The following BRAT1 variants were observed in gnomAD, a reference collection of about 807,000 sequenced individuals.
BRAT1 encodes the protein integrator complex assembly factor BRAT1.
BRAT1 carries 74 observed loss-of-function variants against 70.6 expected under a neutral mutation model. The ratio of observed to expected loss-of-function variants is 1.05; its 90% CI spans 0.87 to 1.27. The LOEUF (loss-of-function observed/expected upper bound fraction) is 1.27. Among genes scored for constraint, BRAT1 ranks in the 50% most tolerant of loss-of-function variants. The probability of loss-of-function intolerance (pLI) is 0.00; values close to 1 mark genes in which losing one functional copy is unlikely to be tolerated. For synonymous variants in BRAT1, 615 were observed against 517.1 expected, an observed-to-expected ratio of 1.19 and a Z score of -2.57; for missense variants, 1,203 against 1,098.2, an observed-to-expected ratio of 1.10 and a Z score of -1.35.
intron 1 of BRAT1, 141 bp downstream of exon 1, chr7:2,555,346 C>A (rs1780346715): frequency 6.6e-6 from 1 of 152,254 alleles, no homozygotes; most frequent in African/African-American, 2.4e-5. Flanking sequence ...CAGGCGGCCA[C>A]AGTCGGGCTG....
In BRAT1 at chr7:2,538,549, C is replaced by G. The variant is rs1778871799; in HGVS notation, c.1986G>C (p.Leu662=). The change falls in exon 14 of 14, where the codon CTG becomes CTC. Residue 662 remains leucine, a synonymous_variant. Coordinates refer to ENST00000340611, the MANE Select transcript of BRAT1 (RefSeq NM_152743.4). ...TACGCGGCGGCCCCAAAGTCTGGCC[C>G]AGGAACACGAGGGCCAGCTCCAGGC... ...AQGLELALVF[L]GQTLGPPRTH... 2 of 1,601,862 alleles carry G rather than the reference C, an allele frequency of 1.2e-6. No homozygotes were observed. Among genetic ancestry groups the G allele is most frequent in the Non-Finnish European group, 1.7e-6 (2 of 1,177,944 alleles).
intron 4 of BRAT1, 45 bp from the exon 5 acceptor site, chr7:2,544,007 A>G (rs751789437): frequency 2.0e-6 from 3 of 1,469,474 alleles, no homozygotes; most frequent in Non-Finnish European, 2.7e-6. Flanking sequence ...GGTGAGCCAG[A>G]ATAGAGCTGG....
At chr7:2,544,089 C>T (rs1779404027) in intron 4 of BRAT1, 127 bp from the exon 5 acceptor site, 1 of 756,666 alleles carries the variant, frequency 1.3e-6, no homozygotes, top group Admixed American at 3.7e-5. Flanking sequence ...TGCCTCTCCA[C>T]TCAAAAGCAA....
At chr7:2,538,918 C>A in intron 13 of BRAT1, 154 bp from the exon 14 acceptor site, 1 of 1,462,244 alleles carries the variant, frequency 6.8e-7, no homozygotes. Flanking sequence ...AGTGAGCACA[C>A]GGCCCTCCAA....
intron 2 of BRAT1, 23 bp downstream of exon 2, chr7:2,554,282 A>T (rs1364494682): frequency 6.2e-7 from 1 of 1,611,534 alleles, no homozygotes; most frequent in South Asian, 1.1e-5. Flanking sequence ...GATAGGCAGT[A>T]AACAGCAGCA....
rs749736042 is a variant in BRAT1 at position 2,545,044 on chromosome 7, G to A, written c.295C>T (p.Leu99=). Residue 99 remains leucine (L), a synonymous_variant, in exon 4 of 14, where the codon CTA becomes TTA. Coordinates refer to ENST00000340611, the MANE Select transcript of BRAT1 (RefSeq NM_152743.4). ...CFQYLQQGEL[L]PGLFGEPGPL... The stretch of plus-strand genomic sequence containing the variant: ...CCTGGCTCCCCAAAGAGCCCTGGTA[G>A]TAACTCCCCCTGCTGGGAAGCAAAA... 9 of 1,506,228 alleles carry A rather than the reference G, an allele frequency of 6.0e-6. No homozygotes were observed. The African/African-American group carries it at 9.8e-5, about 16-fold the overall frequency. 93.3% of individuals were successfully genotyped at this position (1,506,228 alleles called of 1,614,324 possible).
At chr7:2,552,825 G>C (rs1318268341) in intron 2 of BRAT1, among the ~76,000 whole-genome samples, 8 of 150,904 alleles carry the variant, frequency 5.3e-5, no homozygotes, top group African/African-American at 1.7e-4. Context: ...TGCAAGCTCT[G>C]CCTCCTGTGT....
intron 2 of BRAT1, 73 bp from the exon 3 acceptor site, chr7:2,547,551 C>A (rs1370056615): frequency 6.6e-7 from 1 of 1,513,986 alleles, no homozygotes; most frequent in East Asian, 2.3e-5. Context: ...CCGCTCTTCT[C>A]CTAGCAATTC....
chr7:2,541,629 CA>C, intron 8 of BRAT1, 88 bp downstream of exon 8: 1 of 1,468,522 alleles, frequency 6.8e-7, no homozygotes, highest in South Asian at 1.3e-5. Context: ...GGTGCTGGGG[CA>C]GCAAGGGGTG....
chr7:2,539,478 G>A (rs1778971947), intron 12 of BRAT1, 66 bp downstream of exon 12: 1 of 1,502,732 alleles, frequency 6.7e-7, no homozygotes, highest in South Asian at 1.3e-5. Flanking sequence ...GAGGCTGCTG[G>A]TGCACCCTGG....
intron 2 of BRAT1, 32 bp from the exon 3 acceptor site, chr7:2,547,510 G>C (rs376955227): frequency 5.6e-6 from 9 of 1,606,144 alleles, no homozygotes; most frequent in East Asian, 4.5e-5. Flanking sequence ...GGGGTCACCA[G>C]GGGTACGGCA....
chr7:2,549,307 A>G (rs1389308740), intron 2 of BRAT1, among the ~76,000 whole-genome samples: 3 of 151,798 alleles, frequency 2.0e-5, no homozygotes, highest in Non-Finnish European at 4.4e-5. Flanking sequence ...GCAACACAGG[A>G]AGATCCCCTC....
intron 3 of BRAT1, among the ~76,000 whole-genome samples, chr7:2,546,057 G>A (rs1779586390): frequency 6.6e-6 from 1 of 152,234 alleles, no homozygotes; most frequent in African/African-American, 2.4e-5. Flanking sequence ...CTCACACCAC[G>A]CATCCCGACA....
intron 10 of BRAT1, 81 bp downstream of exon 10, chr7:2,540,898 C>T (rs1360662331): frequency 5.9e-6 from 8 of 1,350,832 alleles, no homozygotes; most frequent in Non-Finnish European, 7.8e-6. Context: ...CAGAGGCCTG[C>T]ACGGGACGGG....
At position 2,539,780 on chromosome 7, in the gene BRAT1, C is replaced by A. The variant is rs758246723; in HGVS notation, c.1498+6G>T. ...CTCCGTTCACCCCTGCAAGGGGCTG[C>A]GTTACCTCTGAGGAACTGCGGGATG... On this transcript the variant is annotated splice_donor_region_variant and intron_variant, in intron 11 of 13. Coordinates refer to ENST00000340611, the MANE Select transcript of BRAT1 (RefSeq NM_152743.4). The A allele has an allele frequency of 3.1e-6, 5 of 1,608,864 alleles. No homozygotes were observed.
At chr7:2,542,815 C>T in intron 6 of BRAT1, 1 of 173,956 alleles carries the variant, frequency 5.7e-6, no homozygotes, top group Non-Finnish European at 1.2e-5. Flanking sequence ...CCAGGCTCTG[C>T]CGTTGCACCG....
At chr7:2,541,087 C>T (rs1406442177) in intron 9 of BRAT1, 35 bp from the exon 10 acceptor site, 2 of 1,508,024 alleles carry the variant, frequency 1.3e-6, no homozygotes, top group African/African-American at 1.4e-5. Flanking sequence ...CCACCCCCAC[C>T]CCCACCCTAG....
At chr7:2,554,744 CG>C (rs2128416346) in intron 1 of BRAT1, among the ~76,000 whole-genome samples, 1 of 152,302 alleles carries the variant, frequency 6.6e-6, no homozygotes, top group South Asian at 2.1e-4. Flanking sequence ...TTGGTGCAGT[CG>C]GGGCAACAGC....
At chr7:2,541,553 C>T (rs1360721818) in intron 8 of BRAT1, 69 bp from the exon 9 acceptor site, 21 of 1,484,324 alleles carry the variant, frequency 1.4e-5, no homozygotes, top group Non-Finnish European at 1.9e-5. Flanking sequence ...GGTGCTGGGA[C>T]TTCGAGGCAT....
Sources: allele counts gnomAD v4.1 joint callset (sites outside exome capture counted in the v4.1 genomes callset), GRCh38; gene constraint gnomAD v4.1.1; transcripts MANE v1.5; gene names NCBI Gene and HGNC (gene_info 2026-07-23, HGNC 2026-07-21).